CCDC40: variants seen among roughly 807,000 people sequenced by gnomAD.
The protein encoded by CCDC40 is coiled-coil domain 40 molecular ruler complex subunit.
In CCDC40, 104 loss-of-function variants were observed where a neutral mutation model predicts 124.5. The observed-to-expected ratio is 0.84, with a 90% CI of 0.71 to 0.98. The LOEUF (loss-of-function observed/expected upper bound fraction) is 0.98. Among genes scored for constraint, CCDC40 ranks in the 50% least tolerant of loss-of-function variants. The pLI, the probability that CCDC40 is intolerant of heterozygous loss-of-function variation, is 0.00. For missense variants in CCDC40, 1,463 were observed against 1,503.9 expected (o/e 0.97, Z 0.45); for synonymous variants, 580 against 602.9 (o/e 0.96, Z 0.56).
intron 12 of CCDC40, among the ~76,000 whole-genome samples, chr17:80,083,665 T>C (rs2038511876): frequency 6.6e-6 from 1 of 152,202 alleles, no homozygotes; most frequent in African/African-American, 2.4e-5. Context: ...TGACTGCCAC[T>C]GCCTCACTCC....
chr17:80,041,209 T>C (rs1035868842), intron 3 of CCDC40, among the ~76,000 whole-genome samples: 1 of 152,062 alleles, frequency 6.6e-6, no homozygotes, highest in African/African-American at 2.4e-5. Flanking sequence ...GACACAACCA[T>C]CAAAATCTAG....
intron 17 of CCDC40, among the ~76,000 whole-genome samples, chr17:80,093,576 G>A (rs1052714471): frequency 6.7e-6 from 1 of 148,618 alleles, no homozygotes; most frequent in African/African-American, 2.5e-5. Context: ...GCAGTGGCAC[G>A]ATCTCAGCTC....
chr17:80,100,024 C>G lies in CCDC40; in HGVS notation c.*249C>G. ...AAGACAGAGCCTGTGACTGCAGACC[C>G]ACACACCCACACTCCCACACTGGGC... On this transcript the variant is annotated 3_prime_UTR_variant, in exon 20 of 20. Coordinates refer to ENST00000397545, the MANE Select transcript of CCDC40 (RefSeq NM_017950.4). 1 of 536,828 alleles carries G rather than the reference C, an allele frequency of 1.9e-6. No individual in the cohort carries two copies. Among genetic ancestry groups the G allele is most frequent in the South Asian group, 2.0e-5 (1 of 49,394 alleles). The allele number at this position is 536,828 out of a possible 1,614,324, so 33.3% of individuals were successfully genotyped here. A position where few individuals can be genotyped will look rare whatever the true frequency, so the allele number is the denominator to read the frequency against.
chr17:80,096,274 T>C (rs2038808481), intron 18 of CCDC40, among the ~76,000 whole-genome samples: 1 of 152,152 alleles, frequency 6.6e-6, no homozygotes, highest in Non-Finnish European at 1.5e-5. Context: ...CCCAGAGCCT[T>C]GGTTTACTGA....
intron 1 of CCDC40, 22 bp downstream of exon 1, chr17:80,036,713 C>T (rs1402725545): frequency 5.5e-6 from 8 of 1,462,940 alleles, no homozygotes; most frequent in Admixed American, 2.3e-5. Context: ...CGAGGGGCAG[C>T]GGGTCTTGGA....
chr17:80,050,633 G>A (rs1483858182), intron 7 of CCDC40, among the ~76,000 whole-genome samples: 4 of 152,120 alleles, frequency 2.6e-5, no homozygotes, highest in African/African-American at 4.8e-5. Context: ...TAGTAGAGAC[G>A]GGGTTTCACC....
intron 10 of CCDC40, among the ~76,000 whole-genome samples, chr17:80,080,717 C>G (rs2038427261): frequency 6.6e-6 from 1 of 152,186 alleles, no homozygotes; most frequent in Admixed American, 6.5e-5. Flanking sequence ...TCCCCATAAT[C>G]ACAGTACAAA....
intron 10 of CCDC40, among the ~76,000 whole-genome samples, chr17:80,076,807 G>A (rs1191995453): frequency 1.3e-5 from 2 of 151,658 alleles, no homozygotes; most frequent in African/African-American, 4.8e-5. Context: ...GTGCAGTGGT[G>A]TGATCTCAGC....
At chr17:80,098,150 C>G (rs2038845115) in intron 19 of CCDC40, among the ~76,000 whole-genome samples, 1 of 152,218 alleles carries the variant, frequency 6.6e-6, no homozygotes, top group African/African-American at 2.4e-5. Flanking sequence ...GTGGACAGGA[C>G]AGCCCGGCAA....
chr17:80,047,781 A>G (rs7212141), intron 4 of CCDC40, among the ~76,000 whole-genome samples: 12 of 151,828 alleles, frequency 7.9e-5, no homozygotes, highest in Non-Finnish European at 1.5e-4. Context: ...CGTGACAGCA[A>G]CCCCAGGCCT....
chr17:80,046,609 C>G (rs12951051), intron 3 of CCDC40, among the ~76,000 whole-genome samples: 34,877 of 151,820 alleles, frequency 0.23, 4,572 homozygotes, highest in Middle Eastern at 0.37. Flanking sequence ...AACACCCAGG[C>G]ACGAGAATGC....
intron 16 of CCDC40, 199 bp downstream of exon 16, chr17:80,088,301 G>A (rs1033003168): frequency 4.8e-6 from 3 of 622,822 alleles, no homozygotes; most frequent in East Asian, 2.9e-5. Context: ...CCACAGGCTG[G>A]AGTGCAGCCG....
chr17:80,042,674 T>C (rs907629992), intron 3 of CCDC40, among the ~76,000 whole-genome samples: 3 of 152,198 alleles, frequency 2.0e-5, no homozygotes, highest in Admixed American at 6.5e-5. Flanking sequence ...CTGATTGCAT[T>C]GGCTAGAACC....
At chr17:80,070,403 C>T (rs56803810) in intron 10 of CCDC40, among the ~76,000 whole-genome samples, 2,329 of 152,196 alleles carry the variant, frequency 0.015, 61 homozygotes, top group African/African-American at 0.054. Flanking sequence ...AAGACCAGCC[C>T]GGGCAACATA....
Position 80,066,892 on chromosome 17 carries a change from G to C in CCDC40, c.1562+1286G>C, listed in dbSNP as rs1426199852. On this transcript the variant is annotated intron_variant, in intron 10 of 19. Transcript: ENST00000397545. The surrounding 1 kb of genome is among the most constrained non-coding windows in gnomAD (Gnocchi z 4.4). ...TGTAAAGATGCAGGTCGAGGAACCA[G>C]AGCCAGCTGTGGCCGGGCAAGGGCT... 1 of 152,598 alleles carries C rather than the reference G, an allele frequency of 6.6e-6. No individual in the cohort carries two copies. The highest frequency in any genetic ancestry group is 1.5e-5 in the Non-Finnish European group (1 of 68,346). 9.5% of individuals were successfully genotyped at this position (152,598 alleles called of 1,614,324 possible). A position where few individuals can be genotyped will look rare whatever the true frequency, so the allele number is the denominator to read the frequency against.
At position 80,050,829 on chromosome 17, in the gene CCDC40, A is replaced by G. The variant is rs528368665; in HGVS notation, c.1159+546A>G. Among the ~76,000 whole-genome samples, 4 of 152,328 alleles carry G rather than the reference A, an allele frequency of 2.6e-5. No individual in the cohort carries two copies. The East Asian group carries it at 7.7e-4, about 29-fold the overall frequency. The stretch of plus-strand genomic sequence containing the variant: ...CAGAGCGTAGAGATTCAAAACTGGG[A>G]GAGATGGGTGAGCTGCAGAGGTCCC... On this transcript the variant is annotated intron_variant, in intron 7 of 19. Coordinates refer to ENST00000397545, the MANE Select transcript of CCDC40 (RefSeq NM_017950.4).
chr17:80,075,302 A>C (rs1250889538), intron 10 of CCDC40, among the ~76,000 whole-genome samples: 1 of 108,290 alleles, frequency 9.2e-6, no homozygotes, highest in Non-Finnish European at 1.9e-5. Flanking sequence ...TTTGAGGTGG[A>C]GCTTCTCTTT....
chr17:80,081,573 C>T lies in CCDC40; in HGVS notation c.1590C>T (p.Thr530=), dbSNP rs750134735. 19 of 1,613,664 alleles carry T rather than the reference C, an allele frequency of 1.2e-5. No homozygotes were observed. Among genetic ancestry groups the T allele is most frequent in the East Asian group, 8.9e-5 (4 of 44,890 alleles). ...GATGCCAGCATCAAGCCAAATCCAC[C>T]GACGGCGAGATTGAGGCCTATAAGA... is the stretch of plus-strand genomic sequence containing the variant. The part of the protein sequence containing the change: ...LRGCQHQAKS[T]DGEIEAYKKS... Residue 530 remains threonine (T), a synonymous_variant, in exon 11 of 20, where the codon ACC becomes ACT. Transcript: ENST00000397545.
intron 17 of CCDC40, chr17:80,090,225 A>C: frequency 1.7e-5 from 15 of 886,748 alleles, no homozygotes; most frequent in South Asian, 8.6e-5. Context: ...AGAACACGGG[A>C]CGCGCGCAGG....
Sources: allele counts gnomAD v4.1 joint callset (sites outside exome capture counted in the v4.1 genomes callset), GRCh38; gene constraint gnomAD v4.1.1; non-coding constraint Gnocchi (gnomAD v3.1); transcripts MANE v1.5; gene names NCBI Gene and HGNC (gene_info 2026-07-23, HGNC 2026-07-21).